PDE1C: variants seen among roughly 807,000 people sequenced by gnomAD.
The protein encoded by PDE1C is dual specificity calcium/calmodulin-dependent 3',5'-cyclic nucleotide phosphodiesterase 1C.
A neutral mutation model predicts 93.1 loss-of-function variants in PDE1C; 62 were observed. The ratio of observed to expected loss-of-function variants is 0.67; its 90% CI spans 0.54 to 0.82. PDE1C has a LOEUF of 0.82. PDE1C is among the 40% of genes least tolerant of loss of function. PDE1C has a pLI of 0.00. For missense variants in PDE1C, 742 were observed against 884.6 expected, an observed-to-expected ratio of 0.84 and a Z score of 2.04; for synonymous variants, 325 against 310.1, an observed-to-expected ratio of 1.05 and a Z score of -0.50.
In PDE1C at chr7:31,835,525, GGTGTGTGT is replaced by G. The variant is rs58539780; in HGVS notation, c.1203+1647_1203+1654del. 5.1e-3 allele frequency among the ~76,000 whole-genome samples: 754 copies of G among 147,042 alleles called. 6 individuals carry two copies. The highest frequency in any genetic ancestry group is 7.9e-3 in the Non-Finnish European group (525 of 66,486). ...ACATATAATAGCTGGGGGGTGCTGC[GGTGTGTGT>G]GTGTGTGTGTGTGTGTGTGTGTGCG... On this transcript the variant is annotated intron_variant, in intron 11 of 17. Transcript: ENST00000396191.
At chr7:32,063,706 A>G (rs1795064712) in intron 1 of PDE1C, among the ~76,000 whole-genome samples, 1 of 152,226 alleles carries the variant, frequency 6.6e-6, no homozygotes, top group South Asian at 2.1e-4. Context: ...TGTATTTCAG[A>G]GAGATTTAAC....
chr7:32,156,255 A>G (rs1801570186), intron 3 of PDE1C, among the ~76,000 whole-genome samples: 2 of 152,112 alleles, frequency 1.3e-5, no homozygotes, highest in African/African-American at 4.8e-5. Flanking sequence ...CCTCACATGC[A>G]TTAACTATTT....
intron 1 of PDE1C, among the ~76,000 whole-genome samples, chr7:32,311,495 A>G (rs1380609711): frequency 2.0e-5 from 3 of 152,244 alleles, no homozygotes; most frequent in East Asian, 1.9e-4. Flanking sequence ...CATTGATGCA[A>G]AAATCCTCAA....
At chr7:32,068,475 C>T (rs565076139) in intron 1 of PDE1C, among the ~76,000 whole-genome samples, 1 of 152,196 alleles carries the variant, frequency 6.6e-6, no homozygotes, top group South Asian at 2.1e-4. Context: ...AATAGCATCT[C>T]CTTTTCAAAT....
At chr7:32,368,548 G>A (rs1310375723) in intron 1 of PDE1C, among the ~76,000 whole-genome samples, 2 of 152,082 alleles carry the variant, frequency 1.3e-5, no homozygotes, top group Non-Finnish European at 2.9e-5. Flanking sequence ...TGGATTAGAA[G>A]AATTAATATT....
At chr7:32,321,236 A>G (rs898713473) in intron 1 of PDE1C, among the ~76,000 whole-genome samples, 2 of 152,244 alleles carry the variant, frequency 1.3e-5, no homozygotes, top group African/African-American at 4.8e-5. Flanking sequence ...TTTAAGCACA[A>G]TCACAGAGCA....
At chr7:31,732,754 C>T in the PDE1C span, among the ~76,000 whole-genome samples, 1 of 151,374 alleles carries the variant, frequency 6.6e-6, no homozygotes, top group Non-Finnish European at 1.5e-5. Flanking sequence ...TGTGTTTGGT[C>T]TGCTTTACAT....
chr7:32,242,107 T>C (rs1339216013), intron 1 of PDE1C, among the ~76,000 whole-genome samples: 1 of 152,192 alleles, frequency 6.6e-6, no homozygotes, highest in Non-Finnish European at 1.5e-5. Flanking sequence ...TTTGTGGTCA[T>C]GAATTTTTAA....
chr7:32,373,882 G>C (rs1784373421), intron 1 of PDE1C, among the ~76,000 whole-genome samples: 1 of 152,126 alleles, frequency 6.6e-6, no homozygotes, highest in South Asian at 2.1e-4. Flanking sequence ...CAGCTCCTGG[G>C]AGAGTGAGGC....
chr7:32,172,879 A>C (rs1443756883), intron 2 of PDE1C, among the ~76,000 whole-genome samples: 1 of 146,372 alleles, frequency 6.8e-6, no homozygotes, highest in Non-Finnish European at 1.5e-5. Flanking sequence ...GAGGCTGTGG[A>C]GAAATAGGAA....
chr7:32,284,587 T>C (rs17161140), intron 1 of PDE1C, among the ~76,000 whole-genome samples: 11,572 of 152,260 alleles, frequency 0.076, 588 homozygotes, highest in Non-Finnish European at 0.1. Context: ...GCTATTATCA[T>C]CCTCACATAT....
At chr7:32,396,775 A>G (rs1193219359) in intron 1 of PDE1C, among the ~76,000 whole-genome samples, 1 of 152,226 alleles carries the variant, frequency 6.6e-6, no homozygotes, top group Non-Finnish European at 1.5e-5. Context: ...TGAAACCAGC[A>G]TAAGAATAAA....
chr7:31,876,118 A>G (rs1336357956), intron 5 of PDE1C, among the ~76,000 whole-genome samples: 1 of 152,052 alleles, frequency 6.6e-6, no homozygotes, highest in Non-Finnish European at 1.5e-5. Context: ...AAAAGAGTCT[A>G]TATCTGTGAT....
intron 1 of PDE1C, among the ~76,000 whole-genome samples, chr7:32,380,671 C>G (rs1415299501): frequency 6.6e-6 from 1 of 152,050 alleles, no homozygotes; most frequent in African/African-American, 2.4e-5. Context: ...TCACCTCATT[C>G]CTGCAGCCTG....
chr7:32,026,420 C>T (rs1393686251), intron 2 of PDE1C, among the ~76,000 whole-genome samples: 1 of 152,132 alleles, frequency 6.6e-6, no homozygotes, highest in African/African-American at 2.4e-5. Flanking sequence ...GTCCATTCTG[C>T]TGAGACAAGA....
At chr7:32,325,916 G>T (rs191166525) in intron 1 of PDE1C, among the ~76,000 whole-genome samples, 13 of 152,310 alleles carry the variant, frequency 8.5e-5, no homozygotes, top group Admixed American at 2.0e-4. Flanking sequence ...TTTAAGAAAC[G>T]ATTGCAATCA....
intron 2 of PDE1C, among the ~76,000 whole-genome samples, chr7:31,935,905 T>C (rs952337872): frequency 2.6e-5 from 4 of 152,034 alleles, no homozygotes; most frequent in African/African-American, 9.7e-5. Flanking sequence ...GAGTGGGAAC[T>C]GGGGAGGGGT....
In PDE1C at chr7:31,951,444, T is replaced by C. The variant is rs1584147936; in HGVS notation, c.129-70584A>G. ...CCTCAGTGAAGCTGTCTTCCCCTCA[T>C]CAAGGGGATTTCAAACTATCTACAG... On this transcript the variant is annotated intron_variant, in intron 2 of 17. Transcript: ENST00000396191. Among the ~76,000 whole-genome samples the C allele has an allele frequency of 2.0e-5, 3 of 152,178 alleles. No individual in the cohort carries two copies. In the South Asian group the frequency reaches 6.2e-4, roughly 32 times the overall value.
At chr7:32,187,698 G>A (rs1367163250) in intron 2 of PDE1C, among the ~76,000 whole-genome samples, 1 of 152,160 alleles carries the variant, frequency 6.6e-6, no homozygotes, top group Admixed American at 6.5e-5. Flanking sequence ...ATTTTAAATT[G>A]TCTAGCAGCT....
Sources: allele counts gnomAD v4.1 joint callset (sites outside exome capture counted in the v4.1 genomes callset), GRCh38; gene constraint gnomAD v4.1.1; transcripts MANE v1.5; gene names NCBI Gene and HGNC (gene_info 2026-07-23, HGNC 2026-07-21).